Variants in MMD observed in about 807,000 individuals in gnomAD.
MMD encodes monocyte to macrophage differentiation associated, also known as monocyte to macrophage differentiation factor.
A neutral mutation model predicts 33.6 loss-of-function variants in MMD; 22 were observed. The ratio of observed to expected loss-of-function variants is 0.66; its 90% CI spans 0.47 to 0.94. MMD has a LOEUF of 0.94. MMD is among the 40% of genes least tolerant of loss of function. MMD has a pLI of 0.00. For missense variants in MMD, 242 were observed against 309.8 expected, an observed-to-expected ratio of 0.78 and a Z score of 1.64; for synonymous variants, 97 against 103.2, an observed-to-expected ratio of 0.94 and a Z score of 0.36.
At chr17:55,417,819 A>C (rs901376199) in intron 1 of MMD, among the ~76,000 whole-genome samples, 2 of 152,150 alleles carry the variant, frequency 1.3e-5, no homozygotes, top group South Asian at 4.1e-4. Flanking sequence ...AACAACAAAA[A>C]ACCCAGATCA....
At chr17:55,414,332 G>C in intron 1 of MMD, 100 bp from the exon 2 acceptor site, 1 of 1,105,112 alleles carries the variant, frequency 9.0e-7, no homozygotes, top group Non-Finnish European at 1.4e-6. Context: ...ACGCAAAGAA[G>C]TGACTGGTGG....
chr17:55,394,287 G>C lies in MMD; in HGVS notation c.*47C>G. 1 of 1,284,808 alleles carries C rather than the reference G, an allele frequency of 7.8e-7. No individual in the cohort carries two copies. The highest frequency in any genetic ancestry group is 1.0e-6 in the Non-Finnish European group (1 of 993,756). The allele number at this position is 1,284,808 out of a possible 1,614,324, so 79.6% of individuals were successfully genotyped here. On this transcript the variant is annotated 3_prime_UTR_variant, in exon 7 of 7. Transcript: ENST00000262065. ...TGTTTAGCTCTCACCCCACTCCCAAGTGCCATAATTGAAATAATACTGGTT... is the reference window on the plus strand; with the variant it reads ...TGTTTAGCTCTCACCCCACTCCCAACTGCCATAATTGAAATAATACTGGTT...
rs191141343 is a variant in MMD, at chr17:55,413,805, T to C, written c.108+346A>G. Among the ~76,000 whole-genome samples, 29 of 152,324 alleles carry C rather than the reference T, an allele frequency of 1.9e-4. No homozygotes were observed. In the East Asian group the frequency reaches 1.9e-3, roughly 10 times the overall value. On this transcript the variant is annotated intron_variant, in intron 2 of 6. Coordinates refer to ENST00000262065, the MANE Select transcript of MMD (RefSeq NM_012329.3). The stretch of plus-strand genomic sequence containing the variant: ...AACTCTCTTTGCCAAATGAACACAG[T>C]TGATTGTCTTGAAAAGGCGATTCAT...
chr17:55,398,795 A>G (rs1380223119), intron 6 of MMD, among the ~76,000 whole-genome samples: 4 of 152,164 alleles, frequency 2.6e-5, no homozygotes, highest in Non-Finnish European at 5.9e-5. Flanking sequence ...TGGCAGGGTC[A>G]GCTGAGTGCC....
chr17:55,414,274 G>T lies in MMD; in HGVS notation c.27-42C>A, dbSNP rs1907877477. ...AACACATGTAAGAAAAACTCAAAGTGTGTGAAGAACAATGAGGAAACCCAC... is the reference window on the plus strand; with the variant it reads ...AACACATGTAAGAAAAACTCAAAGTTTGTGAAGAACAATGAGGAAACCCAC... On this transcript the variant is annotated intron_variant, in intron 1 of 6. Coordinates refer to ENST00000262065, the MANE Select transcript of MMD (RefSeq NM_012329.3). 2.5e-6 allele frequency: 4 copies of T among 1,586,284 alleles called. No homozygotes were observed. The South Asian group carries it at 4.4e-5, about 18-fold the overall frequency.
At chr17:55,421,476 G>T (rs775126180) in intron 1 of MMD, among the ~76,000 whole-genome samples, 194 bp downstream of exon 1, 3 of 152,230 alleles carry the variant, frequency 2.0e-5, no homozygotes, top group Non-Finnish European at 4.4e-5. Context: ...TGAGGCAGGA[G>T]CTCCCATCCT....
At chr17:55,407,709 A>C (rs528988980) in intron 4 of MMD, 37 bp downstream of exon 4, 1 of 1,569,662 alleles carries the variant, frequency 6.4e-7, no homozygotes, top group South Asian at 1.1e-5. Context: ...CTAATCATAA[A>C]ATCACTACCT....
intron 4 of MMD, among the ~76,000 whole-genome samples, chr17:55,406,962 CAG>C (rs1907573328): frequency 6.6e-6 from 1 of 151,998 alleles, no homozygotes; most frequent in Non-Finnish European, 1.5e-5. Context: ...ACCCAGGAGG[CAG>C]AGATTGTAGT....
intron 1 of MMD, among the ~76,000 whole-genome samples, chr17:55,414,527 C>T (rs1598435164): frequency 2.0e-5 from 3 of 148,168 alleles, no homozygotes; most frequent in Middle Eastern, 3.5e-3. Context: ...ACCATATCCA[C>T]CCCTTCAACT....
chr17:55,410,347 C>T (rs906480553), intron 3 of MMD, among the ~76,000 whole-genome samples: 1 of 152,092 alleles, frequency 6.6e-6, no homozygotes, highest in South Asian at 2.1e-4. Flanking sequence ...TTTTTTTGGA[C>T]GTTCTTTAAA....
chr17:55,415,621 G>A (rs1264883756), intron 1 of MMD, among the ~76,000 whole-genome samples: 1 of 152,192 alleles, frequency 6.6e-6, no homozygotes, highest in Non-Finnish European at 1.5e-5. Flanking sequence ...GAGTTAGGAA[G>A]AGCCTGTTAT....
chr17:55,401,987 TGAACCCGAATGGC>T (rs1907351031), intron 5 of MMD, among the ~76,000 whole-genome samples: 1 of 35,140 alleles, frequency 2.8e-5, no homozygotes, highest in Non-Finnish European at 4.9e-5. Context: ...GAGAATGGCG[TGAACCCGAATGGC>T]GTGAACCCGG....
At chr17:55,396,403 T>A (rs769418611) in intron 6 of MMD, among the ~76,000 whole-genome samples, 24 of 152,200 alleles carry the variant, frequency 1.6e-4, no homozygotes, top group Non-Finnish European at 3.1e-4. Context: ...TGTTATTATA[T>A]ATGAGGTACC....
chr17:55,418,325 T>C (rs944411514), intron 1 of MMD, among the ~76,000 whole-genome samples: 23 of 152,244 alleles, frequency 1.5e-4, no homozygotes, highest in African/African-American at 5.5e-4. Flanking sequence ...CAAACTGAAG[T>C]ACAATGCCCA....
intron 4 of MMD, 85 bp downstream of exon 4, chr17:55,407,661 G>T: frequency 8.1e-7 from 1 of 1,239,058 alleles, no homozygotes; most frequent in Non-Finnish European, 1.1e-6. Flanking sequence ...GCTGAGGGTG[G>T]GGACAAGAGG....
intron 6 of MMD, among the ~76,000 whole-genome samples, chr17:55,399,448 A>G (rs1907244334): frequency 1.3e-5 from 2 of 152,178 alleles, no homozygotes; most frequent in Non-Finnish European, 1.5e-5. Context: ...TGCTACCTGC[A>G]TACCTGCCCC....
At chr17:55,403,630 GATTT>G in intron 5 of MMD, 133 bp downstream of exon 5, 2 of 569,180 alleles carry the variant, frequency 3.5e-6, no homozygotes, top group Non-Finnish European at 5.8e-6. Flanking sequence ...TGGTTTTGAA[GATTT>G]ATTAAAAATA....
chr17:55,415,471 T>A lies in MMD; in HGVS notation c.27-1239A>T, dbSNP rs114935155. On this transcript the variant is annotated intron_variant, in intron 1 of 6. Coordinates refer to ENST00000262065, the MANE Select transcript of MMD (RefSeq NM_012329.3). ...TGAGTTCTAACTACTCATTACCTTA[T>A]TCATACACAAAATAAAAAATGGTAC... Among the ~76,000 whole-genome samples, 216 of 152,144 alleles carry A rather than the reference T, an allele frequency of 1.4e-3. 3 individuals carry two copies. The highest frequency in any genetic ancestry group is 5.0e-3 in the African/African-American group (207 of 41,458).
intron 2 of MMD, among the ~76,000 whole-genome samples, chr17:55,411,936 G>A (rs139642079): frequency 1.3e-5 from 2 of 152,144 alleles, no homozygotes; most frequent in Non-Finnish European, 2.9e-5. Flanking sequence ...AATTCGCCAG[G>A]CATGGTGGCA....
Sources: gnomAD v4.1 joint callset for allele counts (sites outside exome capture counted in the v4.1 genomes callset) on GRCh38, gnomAD v4.1.1 for gene constraint, MANE v1.5 for transcripts, NCBI Gene and HGNC (gene_info 2026-07-23, HGNC 2026-07-21) for gene names.